HSD17B12: variants seen among roughly 807,000 people sequenced by gnomAD.
HSD17B12 encodes hydroxysteroid 17-beta dehydrogenase 12.
In HSD17B12, 32 loss-of-function variants were observed where a neutral mutation model predicts 39.3. The observed-to-expected ratio is 0.81, with a 90% CI of 0.61 to 1.09. The LOEUF is 1.09. Among genes scored for constraint, HSD17B12 ranks in the 50% least tolerant of loss-of-function variants. HSD17B12 has a pLI of 0.00. For synonymous variants in HSD17B12, 150 were observed against 146.7 expected (o/e 1.02, Z -0.16); for missense variants, 342 against 382.9 (o/e 0.89, Z 0.89).
chr11:43,599,307 A>G, the HSD17B12 span, among the ~76,000 whole-genome samples: 1 of 152,216 alleles, frequency 6.6e-6, no homozygotes, highest in African/African-American at 2.4e-5. Context: ...TCAGATCACC[A>G]TAGCCTATGC....
chr11:43,570,722 GT>G, the HSD17B12 span, among the ~76,000 whole-genome samples: 10 of 152,138 alleles, frequency 6.6e-5, no homozygotes, highest in Admixed American at 3.9e-4. Flanking sequence ...ACCAGAATTT[GT>G]TGTCTCTTTC....
chr11:43,614,840 A>C, the HSD17B12 span, among the ~76,000 whole-genome samples: 50 of 152,042 alleles, frequency 3.3e-4, no homozygotes, highest in African/African-American at 1.2e-3. Flanking sequence ...TTCTGTGCTC[A>C]TATTTCTCAT....
At chr11:43,758,956 G>A (rs1177387298) in intron 3 of HSD17B12, among the ~76,000 whole-genome samples, 1 of 152,220 alleles carries the variant, frequency 6.6e-6, no homozygotes, top group East Asian at 1.9e-4. Flanking sequence ...GTCCTTTGAA[G>A]TTTGTCTTGT....
At chr11:43,802,309 T>C (rs1188682939) in intron 4 of HSD17B12, among the ~76,000 whole-genome samples, 4 of 152,192 alleles carry the variant, frequency 2.6e-5, no homozygotes, top group Non-Finnish European at 5.9e-5. Flanking sequence ...TTTTAATGTA[T>C]TTTATTTTAG....
At chr11:43,566,065 C>T in the HSD17B12 span, among the ~76,000 whole-genome samples, 1 of 152,212 alleles carries the variant, frequency 6.6e-6, no homozygotes, top group Non-Finnish European at 1.5e-5. Flanking sequence ...CTACACTTAA[C>T]AGCTATGTTT....
At chr11:43,612,636 G>C in the HSD17B12 span, among the ~76,000 whole-genome samples, 2 of 152,264 alleles carry the variant, frequency 1.3e-5, no homozygotes, top group African/African-American at 4.8e-5. Flanking sequence ...TAACTCCTGA[G>C]CTCAGGCAAT....
At chr11:43,579,442 C>G in the HSD17B12 span, 12 of 152,688 alleles carry the variant, frequency 7.9e-5, no homozygotes, top group African/African-American at 2.7e-4. Flanking sequence ...GGGAGCGGGC[C>G]GGCAGGAGAG....
At chr11:43,633,019 T>A in the HSD17B12 span, among the ~76,000 whole-genome samples, 1 of 152,204 alleles carries the variant, frequency 6.6e-6, no homozygotes, top group African/African-American at 2.4e-5. Context: ...AAATATAAAT[T>A]TAAGGGATAC....
At chr11:43,760,692 A>T (rs1406749940) in intron 3 of HSD17B12, among the ~76,000 whole-genome samples, 2 of 152,208 alleles carry the variant, frequency 1.3e-5, no homozygotes, top group African/African-American at 4.8e-5. Flanking sequence ...TGATGCAGTA[A>T]TAATACCATT....
the HSD17B12 span, among the ~76,000 whole-genome samples, chr11:43,661,391 C>G: frequency 6.6e-6 from 1 of 152,150 alleles, no homozygotes; most frequent in Non-Finnish European, 1.5e-5. Context: ...GGTGACTACA[C>G]ATAAAATTTG....
chr11:43,764,542 A>G (rs1420505089), intron 3 of HSD17B12, among the ~76,000 whole-genome samples: 1 of 152,098 alleles, frequency 6.6e-6, no homozygotes, highest in Non-Finnish European at 1.5e-5. Flanking sequence ...TTATTTTGAG[A>G]GGGGCAATGA....
At chr11:43,847,946 C>A (rs756230950) in intron 9 of HSD17B12, among the ~76,000 whole-genome samples, 1 of 151,972 alleles carries the variant, frequency 6.6e-6, no homozygotes, top group Non-Finnish European at 1.5e-5. Context: ...AGAAGATATT[C>A]CTTCTTTGTA....
At chr11:43,770,900 T>G (rs958745174) in intron 3 of HSD17B12, among the ~76,000 whole-genome samples, 2 of 152,210 alleles carry the variant, frequency 1.3e-5, no homozygotes, top group Admixed American at 6.5e-5. Context: ...TCAGTGAAAT[T>G]TATTTCTTCT....
chr11:43,845,728 T>C (rs1325657240), intron 9 of HSD17B12, among the ~76,000 whole-genome samples: 1 of 152,176 alleles, frequency 6.6e-6, no homozygotes, highest in Admixed American at 6.5e-5. Context: ...TTGGTGGCGA[T>C]GTTTCTGATC....
the HSD17B12 span, among the ~76,000 whole-genome samples, chr11:43,616,414 AAAAC>A: frequency 7.4e-6 from 1 of 135,850 alleles, no homozygotes; most frequent in African/African-American, 3.0e-5. Flanking sequence ...ATCTAAAAAA[AAAAC>A]AAAAAACAAA....
the HSD17B12 span, among the ~76,000 whole-genome samples, chr11:43,560,929 A>T: frequency 6.6e-6 from 1 of 152,194 alleles, no homozygotes; most frequent in Non-Finnish European, 1.5e-5. Flanking sequence ...GCAGCAAAAA[A>T]AAACTTGAAC....
chr11:43,696,937 C>T (rs190361183), intron 1 of HSD17B12, among the ~76,000 whole-genome samples: 212 of 151,856 alleles, frequency 1.4e-3, no homozygotes, highest in Middle Eastern at 6.8e-3. Flanking sequence ...CACATGTTCT[C>T]ACCCATAAGT....
At chr11:43,604,771 C>G in the HSD17B12 span, among the ~76,000 whole-genome samples, 27 of 152,086 alleles carry the variant, frequency 1.8e-4, no homozygotes, top group African/African-American at 6.0e-4. Context: ...TTCCTTCTAC[C>G]TCTTAAATGT....
chr11:43,854,508 T>C (rs1951562678), intron 9 of HSD17B12: 1 of 525,910 alleles, frequency 1.9e-6, no homozygotes, highest in Non-Finnish European at 3.4e-6. Context: ...AAACTCTGTT[T>C]TATTGAGAGA....
Sources: gnomAD v4.1 joint callset for allele counts (sites outside exome capture counted in the v4.1 genomes callset) on GRCh38, gnomAD v4.1.1 for gene constraint, MANE v1.5 for transcripts, NCBI Gene and HGNC (gene_info 2026-07-23, HGNC 2026-07-21) for gene names.